PTPRG: variants seen among roughly 807,000 people sequenced by gnomAD.
PTPRG encodes protein tyrosine phosphatase receptor type G, also known as receptor-type tyrosine-protein phosphatase gamma.
In PTPRG, 102 loss-of-function variants were observed where a neutral mutation model predicts 165.3. The ratio of observed to expected loss-of-function variants is 0.62; its 90% CI spans 0.53 to 0.73. PTPRG has a LOEUF of 0.73. Among genes scored for constraint, PTPRG ranks in the 30% least tolerant of loss-of-function variants. PTPRG has a pLI of 0.00. For synonymous variants in PTPRG, 675 were observed against 669.5 expected, an observed-to-expected ratio of 1.01 and a Z score of -0.13; for missense variants, 1,866 against 1,861.4, an observed-to-expected ratio of 1.00 and a Z score of -0.05.
At chr3:62,258,374 T>G (rs1189836553) in intron 16 of PTPRG, among the ~76,000 whole-genome samples, 1 of 152,078 alleles carries the variant, frequency 6.6e-6, no homozygotes, top group East Asian at 1.9e-4. Flanking sequence ...CCTCAAAGAG[T>G]TCAATCTGGT....
intron 2 of PTPRG, among the ~76,000 whole-genome samples, chr3:61,822,402 A>C (rs2035981388): frequency 6.6e-6 from 1 of 152,170 alleles, no homozygotes; most frequent in African/African-American, 2.4e-5. Flanking sequence ...CTATTTCTTT[A>C]ATGAGGACTA....
At chr3:62,148,203 T>G (rs1225070577) in intron 6 of PTPRG, among the ~76,000 whole-genome samples, 1 of 151,950 alleles carries the variant, frequency 6.6e-6, no homozygotes, top group Non-Finnish European at 1.5e-5. Flanking sequence ...GCGGTGACAT[T>G]TGAGCTCAGA....
chr3:62,090,604 A>G (rs1701896402), intron 5 of PTPRG, among the ~76,000 whole-genome samples: 3 of 152,200 alleles, frequency 2.0e-5, no homozygotes, highest in African/African-American at 7.2e-5. Flanking sequence ...TAAAATCCCA[A>G]GTCTTCTGAA....
chr3:61,629,277 C>T (rs146197159), intron 1 of PTPRG, among the ~76,000 whole-genome samples: 2,346 of 152,232 alleles, frequency 0.015, 64 homozygotes, highest in African/African-American at 0.053. Flanking sequence ...GCCTCAGCCT[C>T]CTGAGTAGCT....
chr3:61,770,624 G>C (rs2034180048), intron 2 of PTPRG: 1 of 151,976 alleles, frequency 6.6e-6, no homozygotes, highest in Non-Finnish European at 1.5e-5. Context: ...ATTATGTCTA[G>C]TTTCTGTGGA....
At chr3:61,697,190 C>T (rs1288307510) in intron 1 of PTPRG, among the ~76,000 whole-genome samples, 4 of 152,230 alleles carry the variant, frequency 2.6e-5, no homozygotes, top group East Asian at 1.9e-4. Context: ...ATTCCAGAGG[C>T]GCCTCCCTCT....
intron 1 of PTPRG, among the ~76,000 whole-genome samples, chr3:61,599,596 G>T (rs1446468635): frequency 6.6e-6 from 1 of 151,954 alleles, no homozygotes; most frequent in Non-Finnish European, 1.5e-5. Context: ...GGGCTCAAGT[G>T]GTCCTCCCAA....
chr3:62,101,101 G>A (rs536142317), intron 5 of PTPRG, among the ~76,000 whole-genome samples: 1 of 152,288 alleles, frequency 6.6e-6, no homozygotes, highest in African/African-American at 2.4e-5. Flanking sequence ...CATAATTGGA[G>A]GAGTGTGAGG....
chr3:61,998,964 A>G (rs994400439), intron 3 of PTPRG, among the ~76,000 whole-genome samples: 4 of 152,180 alleles, frequency 2.6e-5, no homozygotes, highest in African/African-American at 9.6e-5. Context: ...CAGATTCAGT[A>G]TCTGGTGAGG....
intron 4 of PTPRG, among the ~76,000 whole-genome samples, chr3:62,043,677 T>A (rs1441225277): frequency 6.6e-6 from 1 of 152,104 alleles, no homozygotes; most frequent in Non-Finnish European, 1.5e-5. Context: ...AGAACAAGCT[T>A]TGGTCGTGAA....
At chr3:61,673,328 C>T (rs1303817634) in intron 1 of PTPRG, among the ~76,000 whole-genome samples, 1 of 152,166 alleles carries the variant, frequency 6.6e-6, no homozygotes, top group African/African-American at 2.4e-5. Flanking sequence ...ATTTCTAAAA[C>T]TCTGTGTTAG....
rs1192162450 is a variant in PTPRG, at chr3:62,003,383, T to G, written c.405T>G (p.Ser135Arg). 1 of 1,614,050 alleles carries G rather than the reference T, an allele frequency of 6.2e-7. No homozygotes were observed. The highest frequency in any genetic ancestry group is 2.2e-5 in the East Asian group (1 of 44,882). ...AILLKDDYFV[S>R]GAGLPGRFKA... Reference sequence around the variant, plus strand: ...TTCTGAAAGACGACTATTTTGTCAGTGGAGCTGGTCTACCTGGCAGATTCA... The same window carrying G: ...TTCTGAAAGACGACTATTTTGTCAGGGGAGCTGGTCTACCTGGCAGATTCA... Residue 135 changes from serine (S) to arginine (R), a missense_variant, in exon 4 of 30, where the codon AGT becomes AGG. Transcript: ENST00000474889.
At position 61,729,065 on chromosome 3, in the gene PTPRG, A is replaced by C. The variant is rs3032405; in HGVS notation, c.86-19813A>C. On this transcript the variant is annotated intron_variant, in intron 1 of 29. Coordinates refer to ENST00000474889, the MANE Select transcript of PTPRG (RefSeq NM_002841.4). ...CGGCAGAGAGAGACCCTGTCTCAAA[A>C]AAACAAACAAACAAACAAACAAAAA... Among the ~76,000 whole-genome samples the C allele has an allele frequency of 1.6e-3, 247 of 151,640 alleles. 1 individual carries two copies. Among genetic ancestry groups the C allele is most frequent in the Middle Eastern group, 3.4e-3 (1 of 290 alleles).
At chr3:61,754,367 C>G (rs1008686075) in intron 2 of PTPRG, among the ~76,000 whole-genome samples, 1 of 152,166 alleles carries the variant, frequency 6.6e-6, no homozygotes, top group Non-Finnish European at 1.5e-5. Context: ...GTAGGTATTA[C>G]CTGTGTGGCT....
chr3:62,209,886 C>T (rs753216374), intron 12 of PTPRG, among the ~76,000 whole-genome samples: 1 of 152,156 alleles, frequency 6.6e-6, no homozygotes, highest in African/African-American at 2.4e-5. Context: ...GTCAAGAATT[C>T]AGGTTGCAGC....
intron 9 of PTPRG, among the ~76,000 whole-genome samples, chr3:62,193,791 T>A (rs191014000): frequency 6.6e-6 from 1 of 152,360 alleles, no homozygotes; most frequent in East Asian, 1.9e-4. Flanking sequence ...ATAGCTGCGT[T>A]GGGAAAACCC....
intron 2 of PTPRG, among the ~76,000 whole-genome samples, chr3:61,960,941 T>C (rs1559714770): frequency 1.3e-5 from 2 of 152,174 alleles, no homozygotes; most frequent in African/African-American, 2.4e-5. Context: ...CTGTGTTAAC[T>C]TGGGCCAGTT....
rs1275681148 is a variant in PTPRG at position 62,195,822 on chromosome 3, C to A, written c.1327+652C>A. On this transcript the variant is annotated intron_variant, in intron 10 of 29. Transcript: ENST00000474889. This position sits in a 1 kb window ranked among gnomAD's most constrained non-coding sequence, Gnocchi z 4.4. The stretch of plus-strand genomic sequence containing the variant: ...TTGTTTGTTTGTTTTGAGATGAAGT[C>A]TCGCTCTGTTGCCCAAGCTGGAGTG... Among the ~76,000 whole-genome samples, 1 of 152,126 alleles carries A rather than the reference C, an allele frequency of 6.6e-6. No individual in the cohort carries two copies. Among genetic ancestry groups the A allele is most frequent in the African/African-American group, 2.4e-5 (1 of 41,426 alleles).
Position 61,986,411 on chromosome 3 carries a change from A to T in PTPRG, c.191-3214A>T, listed in dbSNP as rs139083737. Among the ~76,000 whole-genome samples the T allele has an allele frequency of 6.9e-3, 1,056 of 152,302 alleles. 11 individuals carry two copies. The highest frequency in any genetic ancestry group is 0.027 in the East Asian group (142 of 5,180). On this transcript the variant is annotated intron_variant, in intron 2 of 29. Coordinates refer to ENST00000474889, the MANE Select transcript of PTPRG (RefSeq NM_002841.4). ...CAAAGGAAACCAAGAACCCCTGTGT[A>T]TCTCTCACGAAGGGACGTTTACCCT... is the stretch of plus-strand genomic sequence containing the variant.
Sources: allele counts gnomAD v4.1 joint callset (sites outside exome capture counted in the v4.1 genomes callset), GRCh38; gene constraint gnomAD v4.1.1; non-coding constraint Gnocchi (gnomAD v3.1); transcripts MANE v1.5; gene names NCBI Gene and HGNC (gene_info 2026-07-23, HGNC 2026-07-21).